USP25: variants seen among roughly 807,000 people sequenced by gnomAD.
USP25 encodes the protein ubiquitin specific peptidase 25, also known as ubiquitin carboxyl-terminal hydrolase 25.
Under a neutral mutation model 158.5 loss-of-function variants are expected in USP25, and 85 were observed. The ratio of observed to expected loss-of-function variants is 0.54; its 90% CI spans 0.45 to 0.64. The LOEUF (loss-of-function observed/expected upper bound fraction) is 0.64. Among genes scored for constraint, USP25 ranks in the 30% least tolerant of loss-of-function variants. The pLI is 0.00. For missense variants in USP25, 1,242 were observed against 1,327.3 expected (o/e 0.94, Z 1.00); for synonymous variants, 464 against 460.4 (o/e 1.01, Z -0.10).
chr21:15,775,566 G>A (rs898926489), intron 3 of USP25, among the ~76,000 whole-genome samples: 14 of 152,152 alleles, frequency 9.2e-5, no homozygotes, highest in African/African-American at 3.4e-4. Context: ...CCAGGATTAG[G>A]TACTGCCTCT....
At chr21:15,732,642 T>C (rs779972127) in intron 1 of USP25, among the ~76,000 whole-genome samples, 2 of 152,256 alleles carry the variant, frequency 1.3e-5, no homozygotes, top group African/African-American at 2.4e-5. Context: ...TGTGTACATA[T>C]GTGTTTTTAA....
chr21:15,828,943 AT>A (rs943184760), intron 14 of USP25, among the ~76,000 whole-genome samples: 4 of 152,126 alleles, frequency 2.6e-5, no homozygotes, highest in African/African-American at 9.6e-5. Flanking sequence ...GGCTGTTAAG[AT>A]TTTTATATGT....
intron 1 of USP25, among the ~76,000 whole-genome samples, chr21:15,758,741 A>G (rs978173925): frequency 2.0e-5 from 3 of 152,140 alleles, no homozygotes; most frequent in Admixed American, 6.5e-5. Context: ...AGGAGAAGCA[A>G]CGGTGCATCT....
At chr21:15,838,729 G>T (rs1442475558) in intron 17 of USP25, among the ~76,000 whole-genome samples, 1 of 152,038 alleles carries the variant, frequency 6.6e-6, no homozygotes, top group Non-Finnish European at 1.5e-5. Context: ...TTACTAGTAA[G>T]TCAAAAAAAT....
At chr21:15,846,485 G>C (rs555009057) in intron 18 of USP25, among the ~76,000 whole-genome samples, 12 of 151,944 alleles carry the variant, frequency 7.9e-5, no homozygotes, top group South Asian at 6.2e-4. Flanking sequence ...ATTTTAAAAG[G>C]GGCAGTACCA....
At chr21:15,753,723 C>T (rs953894153) in intron 1 of USP25, among the ~76,000 whole-genome samples, 3 of 151,066 alleles carry the variant, frequency 2.0e-5, no homozygotes, top group African/African-American at 7.3e-5. Flanking sequence ...AAAAAGGCTT[C>T]TCTTTACCTT....
At position 15,842,184 on chromosome 21, in the gene USP25, C is replaced by T. The variant is rs527521124; in HGVS notation, c.2195-214C>T. Among the ~76,000 whole-genome samples, 4 of 151,682 alleles carry T rather than the reference C, an allele frequency of 2.6e-5. No homozygotes were observed. The South Asian group carries it at 8.3e-4, about 32-fold the overall frequency. On this transcript the variant is annotated intron_variant, in intron 17 of 25. Transcript: ENST00000400183. Reference sequence around the variant, plus strand: ...TACCATAAACTATAATGAGAGCTTTCTTTCATAATTATTGGAGTACTCTTA... The same window carrying T: ...TACCATAAACTATAATGAGAGCTTTTTTTCATAATTATTGGAGTACTCTTA...
In USP25 at chr21:15,849,846, T is replaced by C. The variant is rs1357244583; in HGVS notation, c.2521T>C (p.Cys841Arg). The change falls in exon 20 of 26, where the codon TGT becomes CGT. Residue 841 changes from cysteine to arginine, a missense_variant. By Grantham distance (180) the Cys-to-Arg change is radical. Around this residue, in one of 3 missense-constraint regions of USP25, gnomAD observed 608 missense variants for 605.2 expected, o/e 1.00. Transcript: ENST00000400183. ...IGKSRSVYDR[C>R]GPEAGFFKAI... ...TAAATCCAGGAGTGTATATGACAGG[T>C]GTGGCCCTGAAGCAGGGTTCTTTAA... 2.0e-6 allele frequency: 3 copies of C among 1,532,034 alleles called. No homozygotes were observed. Among genetic ancestry groups the C allele is most frequent in the East Asian group, 4.9e-5 (2 of 40,458 alleles). 94.9% of individuals were successfully genotyped at this position (1,532,034 alleles called of 1,614,324 possible). A position where few individuals can be genotyped will look rare whatever the true frequency, so the allele number is the denominator to read the frequency against.
At chr21:15,867,774 G>A (rs955543136) in intron 22 of USP25, among the ~76,000 whole-genome samples, 1 of 152,012 alleles carries the variant, frequency 6.6e-6, no homozygotes, top group African/African-American at 2.4e-5. Flanking sequence ...CTGAAACTAT[G>A]GAGTATATAG....
intron 16 of USP25, 77 bp downstream of exon 16, chr21:15,831,706 G>A: frequency 1.7e-6 from 2 of 1,179,444 alleles, no homozygotes; most frequent in Non-Finnish European, 2.5e-6. Context: ...TTAGTTAAGT[G>A]TAATTCACTC....
chr21:15,769,334 A>G (rs2034216953), intron 3 of USP25, among the ~76,000 whole-genome samples: 1 of 152,124 alleles, frequency 6.6e-6, no homozygotes, highest in Non-Finnish European at 1.5e-5. Context: ...CATAAAAAAG[A>G]ATTTAGAAGT....
chr21:15,741,358 G>T (rs2032042353), intron 1 of USP25, among the ~76,000 whole-genome samples: 2 of 150,714 alleles, frequency 1.3e-5, no homozygotes, highest in South Asian at 4.2e-4. Context: ...AGGTCTTTGA[G>T]ACGTATTTCT....
chr21:15,796,474 A>G (rs1366668183), intron 5 of USP25, among the ~76,000 whole-genome samples: 1 of 151,428 alleles, frequency 6.6e-6, no homozygotes, highest in Non-Finnish European at 1.5e-5. Context: ...TTTGTCCTTT[A>G]GGCATCTCCA....
At chr21:15,788,361 G>GT (rs2035410325) in intron 4 of USP25, among the ~76,000 whole-genome samples, 1 of 152,026 alleles carries the variant, frequency 6.6e-6, no homozygotes, top group Non-Finnish European at 1.5e-5. Context: ...CAATAGAGCA[G>GT]TATTGGAGCT....
rs577214081 is a variant in USP25, at chr21:15,801,905, A to G, written c.642+2062A>G. Among the ~76,000 whole-genome samples the G allele has an allele frequency of 4.9e-3, 750 of 151,646 alleles. 3 individuals carry two copies. Among genetic ancestry groups the G allele is most frequent in the Non-Finnish European group, 8.1e-3 (550 of 67,596 alleles). On this transcript the variant is annotated intron_variant, in intron 6 of 25. Transcript: ENST00000400183. ...GTATGTATTTTAAGTAGACTTGGCA[A>G]TTGCTTGTAGAAATTGAAACTAATT... is the stretch of plus-strand genomic sequence containing the variant.
intron 17 of USP25, among the ~76,000 whole-genome samples, chr21:15,839,236 C>G (rs1383389191): frequency 1.3e-5 from 2 of 152,102 alleles, no homozygotes; most frequent in Admixed American, 6.6e-5. Flanking sequence ...TCTAAGTTCC[C>G]TGGGAGGTAT....
chr21:15,730,944 T>C (rs906480003), intron 1 of USP25, among the ~76,000 whole-genome samples: 1 of 151,144 alleles, frequency 6.6e-6, no homozygotes, highest in East Asian at 1.9e-4. Context: ...TTCTTTTCCT[T>C]TTAAGGTTTC....
At chr21:15,829,726 T>C (rs1437723732) in intron 14 of USP25, among the ~76,000 whole-genome samples, 1 of 152,182 alleles carries the variant, frequency 6.6e-6, no homozygotes, top group Non-Finnish European at 1.5e-5. Flanking sequence ...GCTGCAGATA[T>C]TATTTTCCCA....
intron 2 of USP25, among the ~76,000 whole-genome samples, chr21:15,764,634 T>G (rs2033927190): frequency 6.6e-6 from 1 of 152,154 alleles, no homozygotes; most frequent in South Asian, 2.1e-4. Context: ...TAAATTATTA[T>G]ATGAGGTAAT....
Sources: allele counts gnomAD v4.1 joint callset (sites outside exome capture counted in the v4.1 genomes callset), GRCh38; gene constraint gnomAD v4.1.1; regional missense constraint gnomAD v4.1.1; transcripts MANE v1.5; gene names NCBI Gene and HGNC (gene_info 2026-07-23, HGNC 2026-07-21).